DMD: variants seen among roughly 807,000 people sequenced by gnomAD.
The protein encoded by DMD is mutant dystrophin.
DMD carries 63 observed loss-of-function variants against 330.1 expected under a neutral mutation model. The observed-to-expected ratio is 0.19, with a 90% CI of 0.16 to 0.24. DMD has a LOEUF of 0.24. Ranked by LOEUF, DMD falls within the 10% of genes least tolerant of loss-of-function variation. The pLI, the probability that DMD is intolerant of heterozygous loss-of-function variation, is 1.00. For missense variants in DMD, 3,344 were observed against 2,684.1 expected (o/e 1.25, Z -5.43); for synonymous variants, 1,223 against 959.8 (o/e 1.27, Z -5.07).
chrX:33,132,190 T>C, intron 1 of DMD, among the ~76,000 whole-genome samples: 1 of 112,276 alleles, frequency 8.9e-6, no homozygotes, highest in East Asian at 2.8e-4. Flanking sequence ...GAAGGGAAGA[T>C]GTTAGATCAT....
intron 47 of DMD, among the ~76,000 whole-genome samples, chrX:31,878,641 C>T: frequency 8.9e-6 from 1 of 111,919 alleles, no homozygotes; most frequent in Non-Finnish European, 1.9e-5. Context: ...ACTAATTTTC[C>T]TAACACATGA....
chrX:32,082,153 C>T lies in DMD; in HGVS notation c.6439-113639G>A, dbSNP rs769862615. 3.6e-5 allele frequency among the ~76,000 whole-genome samples: 4 copies of T among 111,673 alleles called. No homozygotes were observed. In the East Asian group the frequency reaches 1.1e-3, roughly 32 times the overall value. ...GCATCTAGGCCATCTCCACTGAAGT[C>T]GTGCAACCTCTTCCAATACAACTCC... On this transcript the variant is annotated intron_variant, in intron 44 of 78. Coordinates refer to ENST00000357033, the MANE Select transcript of DMD (RefSeq NM_004006.3).
At chrX:32,957,640 G>T (rs1212264342) in intron 2 of DMD, among the ~76,000 whole-genome samples, 2 of 111,598 alleles carry the variant, frequency 1.8e-5, no homozygotes, top group East Asian at 5.6e-4. Flanking sequence ...AACTCTGACA[G>T]ATATTGTGAT....
intron 62 of DMD, among the ~76,000 whole-genome samples, chrX:31,292,255 C>A (rs897826491): frequency 9.1e-6 from 1 of 110,177 alleles, no homozygotes; most frequent in African/African-American, 3.3e-5. Flanking sequence ...TCCTACAGAT[C>A]AATAAGAAAA....
At chrX:32,959,925 C>T (rs765601093) in intron 2 of DMD, among the ~76,000 whole-genome samples, 84 of 111,799 alleles carry the variant, frequency 7.5e-4, no homozygotes, top group Non-Finnish European at 1.3e-3. Context: ...CACATTCAAA[C>T]CATAAACCAG....
chrX:32,970,353 G>A (rs1156860015), intron 2 of DMD, among the ~76,000 whole-genome samples: 1 of 94,546 alleles, frequency 1.1e-5, no homozygotes, highest in East Asian at 3.3e-4. Context: ...ATAAATGCTT[G>A]AGGGGTGTAT....
Position 32,701,188 on chromosome X carries a change from T to C in DMD, c.650-1895A>G, listed in dbSNP as rs367838346. 8.0e-5 allele frequency among the ~76,000 whole-genome samples: 9 copies of C among 111,997 alleles called. No individual in the cohort carries two copies. In the East Asian group the frequency reaches 1.4e-3, roughly 17 times the overall value. ...AGTGATGCTGAAACTGCTAGTCTGC[T>C]ACATTTTGAATAAGGGCCAAAAACA... On this transcript the variant is annotated intron_variant, in intron 7 of 78. Transcript: ENST00000357033.
At chrX:31,724,791 C>T (rs959943919) in intron 52 of DMD, among the ~76,000 whole-genome samples, 2 of 111,716 alleles carry the variant, frequency 1.8e-5, no homozygotes, top group Admixed American at 1.9e-4. Flanking sequence ...TTCTTAATCA[C>T]CCTACCAGCA....
intron 62 of DMD, among the ~76,000 whole-genome samples, chrX:31,265,668 G>A (rs2050967828): frequency 9.2e-6 from 1 of 108,632 alleles, no homozygotes; most frequent in Non-Finnish European, 1.9e-5. Flanking sequence ...TCATATAACC[G>A]TGTTGCTTCA....
At chrX:32,668,963 T>C (rs1393211791) in intron 9 of DMD, among the ~76,000 whole-genome samples, 2 of 111,494 alleles carry the variant, frequency 1.8e-5, no homozygotes, top group African/African-American at 3.3e-5. Flanking sequence ...TCAACATTTA[T>C]AGGTTGATAC....
intron 22 of DMD, 67 bp from the exon 23 acceptor site, chrX:32,468,777 A>G: frequency 1.1e-6 from 1 of 904,472 alleles, no homozygotes. Flanking sequence ...TTTTAGTGAA[A>G]TTAACTGTAC....
intron 53 of DMD, among the ~76,000 whole-genome samples, chrX:31,663,457 T>C (rs973045772): frequency 3.6e-5 from 4 of 111,861 alleles, no homozygotes; most frequent in African/African-American, 6.5e-5. Context: ...ATATCGAATG[T>C]GGTTTACAGA....
chrX:32,300,564 C>T (rs2097518808), intron 42 of DMD, among the ~76,000 whole-genome samples: 2 of 111,729 alleles, frequency 1.8e-5, no homozygotes, highest in South Asian at 7.3e-4. Flanking sequence ...AAATTGAAAA[C>T]AATTTTACCA....
intron 59 of DMD, among the ~76,000 whole-genome samples, chrX:31,451,974 A>T (rs1252289905): frequency 9.0e-6 from 1 of 110,504 alleles, no homozygotes; most frequent in Non-Finnish European, 1.9e-5. Context: ...AAACTTTCAT[A>T]TTTGGGCATG....
chrX:31,577,853 G>A (rs1426012209), intron 55 of DMD, among the ~76,000 whole-genome samples: 1 of 111,392 alleles, frequency 9.0e-6, no homozygotes, highest in Non-Finnish European at 1.9e-5. Flanking sequence ...CAATGTGAGA[G>A]TTACAACTTA....
intron 7 of DMD, among the ~76,000 whole-genome samples, chrX:32,738,796 G>A (rs1212208845): frequency 1.8e-5 from 2 of 111,174 alleles, no homozygotes; most frequent in Admixed American, 1.9e-4. Flanking sequence ...ACTTATAGAT[G>A]GAATATCATA....
chrX:32,450,877 C>T lies in DMD; in HGVS notation c.3604-2239G>A, dbSNP rs1290903641. ...CATATATTCTTGGTTTAATAAGAGG[C>T]TCAGATCTTGGGAAAGGTTCGAAGA... On this transcript the variant is annotated intron_variant, in intron 26 of 78. Transcript: ENST00000357033. Among the ~76,000 whole-genome samples, 21 of 110,870 alleles carry T rather than the reference C, an allele frequency of 1.9e-4. 1 individual carries two copies. Among genetic ancestry groups the T allele is most frequent in the Admixed American group, 1.8e-3 (19 of 10,399 alleles).
intron 60 of DMD, among the ~76,000 whole-genome samples, chrX:31,431,630 C>T (rs1021386230): frequency 1.5e-3 from 169 of 110,882 alleles, no homozygotes; most frequent in Non-Finnish European, 2.8e-3. Context: ...CTCCGGACCT[C>T]AGGTGATCCA....
chrX:32,488,435 G>A (rs991212596), intron 20 of DMD, among the ~76,000 whole-genome samples: 5 of 111,224 alleles, frequency 4.5e-5, no homozygotes, highest in Non-Finnish European at 7.5e-5. Flanking sequence ...CTAAATATGC[G>A]CTCTAATGTT....
Sources: allele counts gnomAD v4.1 joint callset (sites outside exome capture counted in the v4.1 genomes callset), GRCh38; gene constraint gnomAD v4.1.1; transcripts MANE v1.5; gene names NCBI Gene and HGNC (gene_info 2026-07-23, HGNC 2026-07-21).